PTCD3: variants seen among roughly 807,000 people sequenced by gnomAD.
PTCD3 encodes pentatricopeptide repeat domain 3, also known as small ribosomal subunit protein mS39.
In PTCD3, 89 loss-of-function variants were observed where a neutral mutation model predicts 101.9. The ratio of observed to expected loss-of-function variants is 0.87; its 90% CI spans 0.74 to 1.04. The LOEUF is 1.04. PTCD3 is among the 50% of genes least tolerant of loss of function. The pLI, the probability that PTCD3 is intolerant of heterozygous loss-of-function variation, is 0.00. For missense variants in PTCD3, 870 were observed against 828.2 expected, an observed-to-expected ratio of 1.05 and a Z score of -0.62; for synonymous variants, 296 against 278.5, an observed-to-expected ratio of 1.06 and a Z score of -0.63.
chr2:86,111,454 G>T (rs1331080742), intron 4 of PTCD3, among the ~76,000 whole-genome samples: 2 of 151,936 alleles, frequency 1.3e-5, no homozygotes, highest in African/African-American at 4.8e-5. Flanking sequence ...CAGGCGTGGT[G>T]GCAGGCACCT....
intron 17 of PTCD3, 42 bp from the exon 18 acceptor site, chr2:86,133,136 A>C (rs1413919113): frequency 6.2e-7 from 1 of 1,601,556 alleles, no homozygotes; most frequent in Non-Finnish European, 8.5e-7. Context: ...GTTGTTAGAC[A>C]TAGGGACTTT....
intron 7 of PTCD3, among the ~76,000 whole-genome samples, chr2:86,120,476 A>G (rs1180261813): frequency 2.0e-5 from 3 of 152,226 alleles, no homozygotes; most frequent in Non-Finnish European, 2.9e-5. Flanking sequence ...CCAGGGTCTC[A>G]TAGCTTTGAG....
At chr2:86,123,618 G>T in intron 8 of PTCD3, 83 bp from the exon 9 acceptor site, 1 of 1,046,918 alleles carries the variant, frequency 9.6e-7, no homozygotes, top group Non-Finnish European at 1.4e-6. Context: ...AGTTCCCTTT[G>T]CCTTTCTGAT....
At position 86,141,088 on chromosome 2, in the gene PTCD3, A is replaced by G. The variant is rs888216312; in HGVS notation, c.*3529A>G. 5 of 152,220 alleles carry G rather than the reference A, an allele frequency of 3.3e-5. No individual in the cohort carries two copies. Among genetic ancestry groups the G allele is most frequent in the Non-Finnish European group, 7.3e-5 (5 of 68,064 alleles). The allele number at this position is 152,220 out of a possible 1,614,324, so 9.4% of individuals were successfully genotyped here. A position where few individuals can be genotyped will look rare whatever the true frequency, so the allele number is the denominator to read the frequency against. On this transcript the variant is annotated 3_prime_UTR_variant, in exon 24 of 24. Coordinates refer to ENST00000254630, the MANE Select transcript of PTCD3 (RefSeq NM_017952.6). ...CCAGGACAATCTAAGTTCTGCCACAAGTACCCGTGGTGTCTGTTCCCACAA... is the reference window on the plus strand; with the variant it reads ...CCAGGACAATCTAAGTTCTGCCACAGGTACCCGTGGTGTCTGTTCCCACAA...
At chr2:86,121,664 A>C (rs1164895576) in intron 8 of PTCD3, 70 bp downstream of exon 8, 1 of 996,714 alleles carries the variant, frequency 1.0e-6, no homozygotes, top group African/African-American at 1.6e-5. Flanking sequence ...TTTAAAAATA[A>C]GATGGGTTGT....
At position 86,136,615 on chromosome 2, in the gene PTCD3, T is replaced by A. The variant is rs1375637122; in HGVS notation, c.1820+53T>A. The stretch of plus-strand genomic sequence containing the variant: ...GGGTACAGCCTGGAAGTAGCCACAT[T>A]TGGAATTTCTTCACCAGCCTTAGCC... On this transcript the variant is annotated intron_variant, in intron 22 of 23. Coordinates refer to ENST00000254630, the MANE Select transcript of PTCD3 (RefSeq NM_017952.6). 2.6e-6 allele frequency: 4 copies of A among 1,560,684 alleles called. No individual in the cohort carries two copies. The African/African-American group carries it at 5.4e-5, about 21-fold the overall frequency.
intron 6 of PTCD3, among the ~76,000 whole-genome samples, chr2:86,117,587 A>G (rs1558795157): frequency 6.6e-6 from 1 of 151,788 alleles, no homozygotes; most frequent in Non-Finnish European, 1.5e-5. Context: ...AGCTTGGACT[A>G]CAGGGGTGTG....
intron 18 of PTCD3, 28 bp from the exon 19 acceptor site, chr2:86,133,318 G>C (rs1558800221): frequency 6.2e-7 from 1 of 1,613,804 alleles, no homozygotes; most frequent in South Asian, 1.1e-5. Context: ...GCAGATTAAT[G>C]CTTTAAAAAT....
At chr2:86,107,123 C>T in intron 1 of PTCD3, 2 of 471,162 alleles carry the variant, frequency 4.2e-6, no homozygotes, top group Non-Finnish European at 8.8e-6. Flanking sequence ...CTTAGTTCCC[C>T]TCAAGAAAGA....
Position 86,123,056 on chromosome 2 carries a change from G to A in PTCD3, c.655-645G>A, listed in dbSNP as rs539880723. Among the ~76,000 whole-genome samples the A allele has an allele frequency of 6.4e-4, 98 of 152,154 alleles. 1 individual carries two copies. The highest frequency in any genetic ancestry group is 2.2e-3 in the African/African-American group (93 of 41,498). On this transcript the variant is annotated intron_variant, in intron 8 of 23. Transcript: ENST00000254630. Reference sequence around the variant, plus strand: ...GGGTGGATCATGAGGTCAGGAGATCGAGACCATCCTGGCTAACATGGTGAA... The same window carrying A: ...GGGTGGATCATGAGGTCAGGAGATCAAGACCATCCTGGCTAACATGGTGAA...
At chr2:86,127,372 A>C (rs1353470153) in intron 13 of PTCD3, 67 bp downstream of exon 13, 1 of 1,490,426 alleles carries the variant, frequency 6.7e-7, no homozygotes, top group Non-Finnish European at 9.1e-7. Context: ...AGGGCTACAT[A>C]AGCAAAGAGC....
At chr2:86,136,396 T>A in intron 21 of PTCD3, 125 bp from the exon 22 acceptor site, 1 of 896,352 alleles carries the variant, frequency 1.1e-6, no homozygotes, top group South Asian at 1.5e-5. Context: ...ATGTGTGTCT[T>A]TGGGAGCTTA....
chr2:86,125,374 T>A (rs1327157672), intron 10 of PTCD3, 81 bp from the exon 11 acceptor site: 2 of 1,423,600 alleles, frequency 1.4e-6, no homozygotes, highest in African/African-American at 2.8e-5. Context: ...GCCTGAGCTA[T>A]ATTACCAAAC....
At chr2:86,118,073 C>A (rs1381599126) in intron 6 of PTCD3, among the ~76,000 whole-genome samples, 1 of 152,170 alleles carries the variant, frequency 6.6e-6, no homozygotes, top group Admixed American at 6.5e-5. Context: ...CCGTGTCCGG[C>A]CTTGATCCAC....
intron 4 of PTCD3, among the ~76,000 whole-genome samples, chr2:86,113,642 CA>C (rs1173659918): frequency 1.3e-5 from 2 of 151,742 alleles, no homozygotes; most frequent in African/African-American, 2.4e-5. Flanking sequence ...CCTGTCTCTA[CA>C]AAAAAACACA....
rs1026656634 is a variant in PTCD3 at position 86,116,445 on chromosome 2, G to A, written c.241-85G>A. 7 of 1,117,776 alleles carry A rather than the reference G, an allele frequency of 6.3e-6. No homozygotes were observed. The Admixed American group carries it at 1.1e-4, about 17-fold the overall frequency. The allele number at this position is 1,117,776 out of a possible 1,614,324, so 69.2% of individuals were successfully genotyped here. ...TAGGCTACTTGGGAGGCTGAGGCAG[G>A]AGAATCCCTTGAGTCCAGGAGCTAA... On this transcript the variant is annotated intron_variant, in intron 4 of 23. Transcript: ENST00000254630.
In PTCD3 at chr2:86,131,066, T is replaced by C; in HGVS notation, c.1238-12T>C. ...CATTGTAACCAAAGCTCTTGTGAAC[T>C]TTGATTTTCAGATAAGTTTTTTCAG... On this transcript the variant is annotated splice_polypyrimidine_tract_variant and intron_variant, in intron 15 of 23. Transcript: ENST00000254630. 6.2e-7 allele frequency: 1 copy of C among 1,602,828 alleles called. No individual in the cohort carries two copies. Among genetic ancestry groups the C allele is most frequent in the Non-Finnish European group, 8.5e-7 (1 of 1,175,316 alleles).
intron 4 of PTCD3, among the ~76,000 whole-genome samples, chr2:86,112,302 C>A (rs868738288): frequency 1.4e-5 from 2 of 147,164 alleles, no homozygotes; most frequent in Admixed American, 6.7e-5. Flanking sequence ...CTGATCCACC[C>A]GCCTTGGCCT....
In PTCD3 at chr2:86,117,084, G is replaced by A; in HGVS notation, c.339G>A (p.Gly113=). Residue 113 remains glycine, a synonymous_variant, in exon 6 of 24, where the codon GGG becomes GGA. Coordinates refer to ENST00000254630, the MANE Select transcript of PTCD3 (RefSeq NM_017952.6). The part of the protein sequence containing the change: ...SRSFLLAKKS[G]ENVAKFIINS... ...CATTTTTACTGGCAAAGAAATCCGG[G>A]GAGAATGTGGCCAAGTTTATTATTA... The A allele has an allele frequency of 1.4e-6, 2 of 1,449,198 alleles. No homozygotes were observed. The highest frequency in any genetic ancestry group is 1.9e-6 in the Non-Finnish European group (2 of 1,030,234). The allele number at this position is 1,449,198 out of a possible 1,614,324, so 89.8% of individuals were successfully genotyped here.
Sources: allele counts gnomAD v4.1 joint callset (sites outside exome capture counted in the v4.1 genomes callset), GRCh38; gene constraint gnomAD v4.1.1; transcripts MANE v1.5; gene names NCBI Gene and HGNC (gene_info 2026-07-23, HGNC 2026-07-21).